Variants in MINDY2 observed in about 807,000 individuals in gnomAD.
MINDY2 encodes ubiquitin carboxyl-terminal hydrolase MINDY-2.
Under a neutral mutation model 68.2 loss-of-function variants are expected in MINDY2, and 52 were observed. That is an observed-to-expected ratio of 0.76 (90% CI 0.61 to 0.96). MINDY2 has a LOEUF of 0.96. Among genes scored for constraint, MINDY2 ranks in the 40% least tolerant of loss-of-function variants. The pLI is 0.00. For missense variants in MINDY2, 881 were observed against 773.4 expected (o/e 1.14, Z -1.65); for synonymous variants, 372 against 303.0 (o/e 1.23, Z -2.36).
At chr15:58,830,072 C>T (rs1209067588) in intron 5 of MINDY2, among the ~76,000 whole-genome samples, 1 of 151,970 alleles carries the variant, frequency 6.6e-6, no homozygotes, top group African/African-American at 2.4e-5. Flanking sequence ...TCTACTTACT[C>T]CAAAAGGAAG....
At chr15:58,801,928 C>T (rs7168421) in intron 2 of MINDY2, among the ~76,000 whole-genome samples, 2 of 152,134 alleles carry the variant, frequency 1.3e-5, no homozygotes, top group African/African-American at 4.8e-5. Flanking sequence ...AGATGCCAAA[C>T]TTCTTTTTTT....
intron 4 of MINDY2, chr15:58,815,872 G>T (rs1473117786): frequency 6.6e-6 from 1 of 151,704 alleles, no homozygotes. Context: ...TAGAGACGGG[G>T]CTTCATCATG....
chr15:58,791,620 A>ATGTGTGTGTGTGTGTGTGTG (rs1491325995), intron 2 of MINDY2, among the ~76,000 whole-genome samples: 19 of 80,776 alleles, frequency 2.4e-4, no homozygotes, highest in South Asian at 1.0e-3. Context: ...CTGTCTCAAA[A>ATGTGTGTGTGTGTGTGTGTG]TATGTGTGTG....
At chr15:58,839,829 CT>C (rs869189161) in intron 6 of MINDY2, among the ~76,000 whole-genome samples, 256 of 140,704 alleles carry the variant, frequency 1.8e-3, no homozygotes, top group South Asian at 5.4e-3. Context: ...CTGATTTTAT[CT>C]TTTTTTTTTT....
At chr15:58,840,666 T>C (rs182643623) in intron 6 of MINDY2, among the ~76,000 whole-genome samples, 2 of 135,580 alleles carry the variant, frequency 1.5e-5, no homozygotes, top group Non-Finnish European at 3.2e-5. Context: ...TTATTATTAT[T>C]ATTATTTTGA....
chr15:58,787,924 A>T lies in MINDY2; in HGVS notation c.859A>T (p.Met287Leu). 6.3e-7 allele frequency: 1 copy of T among 1,597,474 alleles called. No individual in the cohort carries two copies. The highest frequency in any genetic ancestry group is 8.5e-7 in the Non-Finnish European group (1 of 1,172,778). The change falls in exon 2 of 9, where the codon ATG becomes TTG. Residue 287 changes from methionine to leucine, a missense_variant. Coordinates refer to ENST00000559228, the MANE Select transcript of MINDY2 (RefSeq NM_001040450.3). ...TTTTCAGGTGAAACTTCCACCGATG[A>T]TGGAAATCATAACTGCTGAGCAGCT... Reference protein sequence around the residue: ...LAWKVKLPPMMEIITAEQLME... With the variant: ...LAWKVKLPPMLEIITAEQLME...
At position 58,805,613 on chromosome 15, in the gene MINDY2, G is replaced by A. The variant is rs573824182; in HGVS notation, c.963+3236G>A. Among the ~76,000 whole-genome samples the A allele has an allele frequency of 3.2e-4, 49 of 152,210 alleles. 1 individual carries two copies. Among genetic ancestry groups the A allele is most frequent in the African/African-American group, 1.1e-3 (47 of 41,532 alleles). ...AAACAGTTTAACCATTGCCTTAAAG[G>A]ATCCACTAGTACTCCCTTCTTGTGA... On this transcript the variant is annotated intron_variant, in intron 3 of 8. Coordinates refer to ENST00000559228, the MANE Select transcript of MINDY2 (RefSeq NM_001040450.3).
chr15:58,777,718 G>A (rs1274951316), intron 1 of MINDY2, among the ~76,000 whole-genome samples: 3 of 151,938 alleles, frequency 2.0e-5, no homozygotes, highest in African/African-American at 7.3e-5. Flanking sequence ...CATTTAATTC[G>A]AGCTCAAATT....
intron 3 of MINDY2, among the ~76,000 whole-genome samples, chr15:58,803,310 C>CA (rs67908953): frequency 0.17 from 25,412 of 149,782 alleles, 2,298 homozygotes; most frequent in South Asian, 0.34. Flanking sequence ...ACTAAAAATA[C>CA]AAAAAAAATT....
intron 2 of MINDY2, among the ~76,000 whole-genome samples, chr15:58,788,657 T>A (rs1416979261): frequency 6.6e-6 from 1 of 152,184 alleles, no homozygotes; most frequent in Admixed American, 6.6e-5. Flanking sequence ...AATTTATATA[T>A]TTATACTATC....
In MINDY2 at chr15:58,803,310, C is replaced by CAA. The variant is rs67908953; in HGVS notation, c.963+940_963+941dup. 6.6e-4 allele frequency among the ~76,000 whole-genome samples: 99 copies of CAA among 149,866 alleles called. No individual in the cohort carries two copies. In the East Asian group the frequency reaches 0.019, roughly 28 times the overall value. On this transcript the variant is annotated intron_variant, in intron 3 of 8. Coordinates refer to ENST00000559228, the MANE Select transcript of MINDY2 (RefSeq NM_001040450.3). ...TGAAACCCCATTTCTACTAAAAATA[C>CAA]AAAAAAAATTAGCTGGGCATGGTGA...
intron 6 of MINDY2, among the ~76,000 whole-genome samples, chr15:58,842,738 A>G (rs1021065446): frequency 1.3e-5 from 2 of 152,214 alleles, no homozygotes; most frequent in African/African-American, 2.4e-5. Context: ...GCTTTGTACT[A>G]TATTAAGCAT....
intron 3 of MINDY2, 141 bp from the exon 4 acceptor site, chr15:58,810,089 G>T (rs1472610840): frequency 1.4e-6 from 1 of 738,982 alleles, no homozygotes; most frequent in Non-Finnish European, 2.2e-6. Flanking sequence ...ACACATAGTA[G>T]ATACTCAATA....
chr15:58,837,950 C>CAG (rs1223713835), intron 6 of MINDY2, among the ~76,000 whole-genome samples: 1 of 109,298 alleles, frequency 9.1e-6, no homozygotes, highest in Non-Finnish European at 1.7e-5. Flanking sequence ...ACCTGGATGA[C>CAG]AGAGTAAGAC....
Position 58,854,500 on chromosome 15 carries a change from G to A in MINDY2, c.1756G>A (p.Ala586Thr). 6.2e-7 allele frequency: 1 copy of A among 1,613,572 alleles called. No homozygotes were observed. The highest frequency in any genetic ancestry group is 8.5e-7 in the Non-Finnish European group (1 of 1,179,842). Reference protein sequence around the residue: ...TQAQQGQPAQASPSSGRQSGN... With the variant: ...TQAQQGQPAQTSPSSGRQSGN... ...CTTAAAGCAGGGCCAGCCAGCACAA[G>A]CCTCTCCATCAAGTGGAAGACAATC... The change falls in exon 9 of 9, where the codon GCC becomes ACC. Residue 586 changes from alanine (A) to threonine (T), a missense_variant. Coordinates refer to ENST00000559228, the MANE Select transcript of MINDY2 (RefSeq NM_001040450.3).
intron 1 of MINDY2, among the ~76,000 whole-genome samples, chr15:58,786,573 A>G (rs2140915389): frequency 6.6e-6 from 1 of 152,338 alleles, no homozygotes; most frequent in East Asian, 1.9e-4. Context: ...AAATATCACT[A>G]TAACGTATCT....
chr15:58,800,354 T>A, intron 2 of MINDY2, among the ~76,000 whole-genome samples: 1 of 152,198 alleles, frequency 6.6e-6, no homozygotes, highest in East Asian at 1.9e-4. Context: ...ATCAGTGTAC[T>A]TTTCCTAAAG....
intron 2 of MINDY2, among the ~76,000 whole-genome samples, chr15:58,796,710 A>T (rs796923981): frequency 6.6e-6 from 1 of 152,130 alleles, no homozygotes; most frequent in African/African-American, 2.4e-5. Flanking sequence ...TTTCGTAGAG[A>T]TGGGGTTTCC....
intron 4 of MINDY2, among the ~76,000 whole-genome samples, chr15:58,811,690 T>C (rs2030268769): frequency 6.6e-6 from 1 of 152,200 alleles, no homozygotes; most frequent in Non-Finnish European, 1.5e-5. Context: ...GACTCCCACT[T>C]TCTGATTTCC....
Sources: gnomAD v4.1 joint callset for allele counts (sites outside exome capture counted in the v4.1 genomes callset) on GRCh38, gnomAD v4.1.1 for gene constraint, MANE v1.5 for transcripts, NCBI Gene and HGNC (gene_info 2026-07-23, HGNC 2026-07-21) for gene names.